The following MAP7D3 variants were observed in gnomAD, a reference collection of about 807,000 sequenced individuals.
MAP7D3 encodes the protein MAP7 domain containing 3, also known as MAP7 domain-containing protein 3.
A neutral mutation model predicts 62.2 loss-of-function variants in MAP7D3; 45 were observed. The observed-to-expected ratio is 0.72, with a 90% CI of 0.57 to 0.93. The LOEUF (loss-of-function observed/expected upper bound fraction) is 0.93, where lower values mean the gene tolerates loss of function less well. Among genes scored for constraint, MAP7D3 ranks in the 40% least tolerant of loss-of-function variants. The pLI, the probability that MAP7D3 is intolerant of heterozygous loss-of-function variation, is 0.00. For synonymous variants in MAP7D3, 288 were observed against 248.8 expected (o/e 1.16, Z -1.48); for missense variants, 711 against 683.1 (o/e 1.04, Z -0.45).
intron 3 of MAP7D3, 56 bp downstream of exon 3, chrX:136,246,009 C>A (rs2074443695): frequency 2.4e-6 from 2 of 835,301 alleles, no homozygotes; most frequent in Non-Finnish European, 3.5e-6. Flanking sequence ...GTTAAAAACA[C>A]TTTGCAATAT....
chrX:136,243,706 G>GA (rs1176946298), intron 4 of MAP7D3, among the ~76,000 whole-genome samples: 70 of 96,911 alleles, frequency 7.2e-4, no homozygotes, highest in Admixed American at 1.2e-3. Context: ...CTGTCTCAAA[G>GA]AAAAAAAAAA....
intron 1 of MAP7D3, among the ~76,000 whole-genome samples, chrX:136,250,662 C>T (rs1185858202): frequency 2.7e-5 from 3 of 111,996 alleles, no homozygotes; most frequent in Non-Finnish European, 5.6e-5. Context: ...GCATCCCCAC[C>T]CTCACCCAGC....
chrX:136,255,958 TATA>T (rs2074549473), upstream of MAP7D3: 1 of 457,425 alleles, frequency 2.2e-6, no homozygotes, highest in African/African-American at 2.7e-5. Context: ...TGAACTTACA[TATA>T]ATAAACATTT....
intron 4 of MAP7D3, 52 bp from the exon 5 acceptor site, chrX:136,241,329 AT>A: frequency 1.4e-6 from 1 of 705,490 alleles, no homozygotes; most frequent in Non-Finnish European, 2.1e-6. Flanking sequence ...AATTAGTATA[AT>A]TTTGATCTGT....
upstream of MAP7D3, chrX:136,256,315 G>C (rs779171685): frequency 2.8e-5 from 32 of 1,152,949 alleles, no homozygotes; most frequent in Non-Finnish European, 3.7e-5. Context: ...TCGGGGGCTG[G>C]TCATGTCTCA....
chrX:136,246,281 G>A lies in MAP7D3; in HGVS notation c.131C>T (p.Ala44Val). The change falls in exon 2 of 19, where the codon GCA becomes GTA. Residue 44 changes from alanine to valine, a missense_variant. Coordinates refer to ENST00000316077, the MANE Select transcript of MAP7D3 (RefSeq NM_024597.4). ...RRKQDVVNRV[A>V]THSSNIRSTF... is the part of the protein sequence containing the mutation. Reference sequence around the variant, plus strand: ...CGATCTTATATTTGAGGAATGGGTTGCAACACGATTAACCACATCTTGCTT... The same window carrying A: ...CGATCTTATATTTGAGGAATGGGTTACAACACGATTAACCACATCTTGCTT... The A allele has an allele frequency of 8.3e-7, 1 of 1,205,118 alleles. No homozygotes were observed. Among genetic ancestry groups the A allele is most frequent in the Non-Finnish European group, 1.1e-6 (1 of 889,849 alleles).
chrX:136,236,116 C>T, intron 7 of MAP7D3, 128 bp downstream of exon 7: 1 of 441,434 alleles, frequency 2.3e-6, no homozygotes, highest in African/African-American at 2.5e-5. Context: ...CACCAAAGCA[C>T]ATTTTTTCAG....
intron 5 of MAP7D3, among the ~76,000 whole-genome samples, chrX:136,240,833 T>C (rs1382201848): frequency 1.8e-5 from 2 of 112,393 alleles, no homozygotes; most frequent in East Asian, 2.8e-4. Context: ...TAAGAAAATT[T>C]ACACTAAATC....
chrX:136,248,621 G>A (rs2074474039), intron 1 of MAP7D3, among the ~76,000 whole-genome samples: 1 of 112,385 alleles, frequency 8.9e-6, no homozygotes, highest in Non-Finnish European at 1.9e-5. Flanking sequence ...AAGAAAATGT[G>A]TAGTGTATTA....
At chrX:136,219,528 T>C (rs772663321) in intron 17 of MAP7D3, 33 bp from the exon 18 acceptor site, 1 of 1,176,338 alleles carries the variant, frequency 8.5e-7, no homozygotes. Flanking sequence ...AAGATAGTTC[T>C]GTGTGACTTA....
intron 7 of MAP7D3, 97 bp from the exon 8 acceptor site, chrX:136,232,317 G>T: frequency 1.7e-6 from 1 of 587,896 alleles, no homozygotes; most frequent in Non-Finnish European, 2.7e-6. Flanking sequence ...ACAGAAAAGA[G>T]ATTGTTTATT....
At position 136,233,635 on chromosome X, in the gene MAP7D3, T is replaced by TAAA. The variant is rs151267120; in HGVS notation, c.737-1418_737-1416dup. ...TTCCTTAAGACCTGGTAAATTAAAC[T>TAAA]AAAAAAAAAAAAAAAAAAAAAAAAA... is the stretch of plus-strand genomic sequence containing the variant. On this transcript the variant is annotated intron_variant, in intron 7 of 18. Coordinates refer to ENST00000316077, the MANE Select transcript of MAP7D3 (RefSeq NM_024597.4). Among the ~76,000 whole-genome samples the TAAA allele has an allele frequency of 3.9e-3, 120 of 30,606 alleles. 3 individuals are homozygous for TAAA. Among genetic ancestry groups the TAAA allele is most frequent in the African/African-American group, 0.014 (102 of 7,269 alleles). 26.6% of individuals were successfully genotyped at this position (30,606 alleles called of 115,157 possible). A position where few individuals can be genotyped will look rare whatever the true frequency, so the allele number is the denominator to read the frequency against.
At position 136,230,778 on chromosome X, in the gene MAP7D3, T is replaced by C. The variant is rs1036465789; in HGVS notation, c.1541+61A>G. On this transcript the variant is annotated intron_variant, in intron 9 of 18. Transcript: ENST00000316077. ...ACTATATTATTTCACTCATCAAACATTGACATGGAATTTGTTCTAGTAAAA... is the reference window on the plus strand; with the variant it reads ...ACTATATTATTTCACTCATCAAACACTGACATGGAATTTGTTCTAGTAAAA... 48 of 1,123,450 alleles carry C rather than the reference T, an allele frequency of 4.3e-5. No homozygotes were observed. The African/African-American group carries it at 4.7e-4, about 11-fold the overall frequency. The allele number at this position is 1,123,450 out of a possible 1,213,427, so 92.6% of individuals were successfully genotyped here.
chrX:136,256,390 C>G, upstream of MAP7D3: 2 of 1,068,134 alleles, frequency 1.9e-6, no homozygotes, highest in Non-Finnish European at 2.5e-6. Flanking sequence ...CCACCAACAA[C>G]TGACACTTCA....
At position 136,229,029 on chromosome X, in the gene MAP7D3, C is replaced by T. The variant is rs763249281; in HGVS notation, c.1751-271G>A. ...TTTCGTTTTAGTGGTTTTGAGATAA[C>T]TGAATCAACTGACCCCATGGGAAAA... On this transcript the variant is annotated intron_variant, in intron 10 of 18. Coordinates refer to ENST00000316077, the MANE Select transcript of MAP7D3 (RefSeq NM_024597.4). 4.4e-4 allele frequency: 72 copies of T among 164,854 alleles called. 1 individual carries two copies. Among genetic ancestry groups the T allele is most frequent in the African/African-American group, 2.1e-3 (69 of 32,783 alleles). The allele number at this position is 164,854 out of a possible 1,213,427, so 13.6% of individuals were successfully genotyped here.
intron 7 of MAP7D3, among the ~76,000 whole-genome samples, chrX:136,235,279 T>C (rs2074316472): frequency 8.9e-6 from 1 of 112,505 alleles, no homozygotes; most frequent in South Asian, 3.7e-4. Flanking sequence ...GTTGTAAATA[T>C]CTTGCTCCAA....
intron 4 of MAP7D3, among the ~76,000 whole-genome samples, chrX:136,244,253 G>A (rs976833264): frequency 2.7e-5 from 3 of 111,559 alleles, no homozygotes; most frequent in Non-Finnish European, 5.6e-5. Context: ...ACGTCAGGGA[G>A]GGTCAGACAG....
At chrX:136,244,103 C>T (rs894886116) in intron 4 of MAP7D3, among the ~76,000 whole-genome samples, 9 of 111,289 alleles carry the variant, frequency 8.1e-5, no homozygotes, top group African/African-American at 2.9e-4. Context: ...GTGAGGAACA[C>T]GGAGACAGAG....
At chrX:136,226,537 G>T (rs1159716825) in intron 12 of MAP7D3, among the ~76,000 whole-genome samples, 1 of 111,863 alleles carries the variant, frequency 8.9e-6, no homozygotes, top group Non-Finnish European at 1.9e-5. Context: ...ACTTTAGATA[G>T]ATGAGACATT....
Sources: allele counts gnomAD v4.1 joint callset (sites outside exome capture counted in the v4.1 genomes callset), GRCh38; gene constraint gnomAD v4.1.1; transcripts MANE v1.5; gene names NCBI Gene and HGNC (gene_info 2026-07-23, HGNC 2026-07-21).